The following CDH12 variants were observed in gnomAD, a reference collection of about 807,000 sequenced individuals.
The protein encoded by CDH12 is cadherin 12.
In CDH12, 41 loss-of-function variants were observed where a neutral mutation model predicts 74.1. That is an observed-to-expected ratio of 0.55 (90% confidence interval 0.43 to 0.72). The LOEUF (loss-of-function observed/expected upper bound fraction) is 0.72. CDH12 is among the 30% of genes least tolerant of loss of function. The pLI, the probability that CDH12 is intolerant of heterozygous loss-of-function variation, is 0.00. For missense variants in CDH12, 945 were observed against 977.2 expected, an observed-to-expected ratio of 0.97 and a Z score of 0.44; for synonymous variants, 399 against 355.0, an observed-to-expected ratio of 1.12 and a Z score of -1.39.
chr5:22,296,500 A>G (rs1165516805), intron 3 of CDH12, among the ~76,000 whole-genome samples: 2 of 152,156 alleles, frequency 1.3e-5, no homozygotes, highest in African/African-American at 4.8e-5. Context: ...TCAATTTGTG[A>G]CGGATACTTA....
chr5:22,559,691 G>A (rs1738957459), intron 1 of CDH12, among the ~76,000 whole-genome samples: 1 of 152,034 alleles, frequency 6.6e-6, no homozygotes, highest in Admixed American at 6.6e-5. Flanking sequence ...CTGTATGAAA[G>A]TTAAGACAGC....
chr5:21,817,621 T>C (rs903815737), intron 8 of CDH12, among the ~76,000 whole-genome samples: 4 of 151,960 alleles, frequency 2.6e-5, no homozygotes, highest in African/African-American at 7.2e-5. Context: ...TCAATAAGTA[T>C]ACATCATTAA....
At chr5:22,284,851 A>T (rs1737065030) in intron 3 of CDH12, among the ~76,000 whole-genome samples, 1 of 152,054 alleles carries the variant, frequency 6.6e-6, no homozygotes. Context: ...GGATTTTTAA[A>T]AAATGAAAAA....
At chr5:22,646,826 C>CTTA (rs1739459216) in intron 1 of CDH12, among the ~76,000 whole-genome samples, 1 of 151,834 alleles carries the variant, frequency 6.6e-6, no homozygotes, top group Non-Finnish European at 1.5e-5. Flanking sequence ...GAGAACACTG[C>CTTA]TTATGAAATT....
intron 6 of CDH12, among the ~76,000 whole-genome samples, chr5:21,928,610 A>G (rs1344956921): frequency 4.6e-5 from 7 of 152,178 alleles, no homozygotes; most frequent in African/African-American, 1.4e-4. Context: ...CATTTGTGTC[A>G]CTGTTTTTTT....
intron 1 of CDH12, among the ~76,000 whole-genome samples, chr5:22,522,516 T>C (rs1948748): frequency 0.16 from 24,744 of 152,058 alleles, 2,602 homozygotes; most frequent in East Asian, 0.36. Flanking sequence ...CTGTATTTCA[T>C]TGTTGTTGTC....
At chr5:21,963,922 CT>C (rs1342221999) in intron 6 of CDH12, among the ~76,000 whole-genome samples, 1 of 152,002 alleles carries the variant, frequency 6.6e-6, no homozygotes, top group Non-Finnish European at 1.5e-5. Flanking sequence ...TTCCTAGTTT[CT>C]ATTCAAGTAT....
chr5:22,804,132 TTTTTTTACATAACAAAGGTA>T (rs935130334), intron 1 of CDH12, among the ~76,000 whole-genome samples: 1 of 152,174 alleles, frequency 6.6e-6, no homozygotes, highest in Admixed American at 6.5e-5. Flanking sequence ...ATTTCAAGTT[TTTTTTTACATAACAAAGGTA>T]TTTTTTGTCT....
At chr5:21,812,316 G>T (rs1290650991) in intron 9 of CDH12, among the ~76,000 whole-genome samples, 1 of 152,010 alleles carries the variant, frequency 6.6e-6, no homozygotes, top group African/African-American at 2.4e-5. Context: ...TACTTAAAAT[G>T]TAATTTCTGT....
Position 22,448,246 on chromosome 5 carries a change from ATAGAT to A in CDH12, c.-427-42900_-427-42896del, listed in dbSNP as rs202049576. ...AAAGTTTAAAAACATTTTTTAAGTA[ATAGAT>A]TAAAGTTCAAATTAAATTATTATAT... On this transcript the variant is annotated intron_variant, in intron 2 of 14. Coordinates refer to ENST00000382254, the MANE Select transcript of CDH12 (RefSeq NM_004061.5). Among the ~76,000 whole-genome samples the A allele has an allele frequency of 4.6e-3, 705 of 152,006 alleles. 7 individuals carry two copies. Among genetic ancestry groups the A allele is most frequent in the African/African-American group, 0.014 (581 of 41,512 alleles).
chr5:22,652,618 T>G (rs1739801100), intron 1 of CDH12, among the ~76,000 whole-genome samples: 1 of 152,196 alleles, frequency 6.6e-6, no homozygotes, highest in Admixed American at 6.5e-5. Context: ...TTTATCAGAT[T>G]TAATTTTTAG....
In CDH12 at chr5:21,832,826, ATT is replaced by A. The variant is rs1395975692; in HGVS notation, c.814+9333_814+9334del. On this transcript the variant is annotated intron_variant, in intron 8 of 14. Transcript: ENST00000382254. ...TATTATCATATAATATATGATATAT[ATT>A]ATAATAATATAAATCATATGATATA... Among the ~76,000 whole-genome samples, 250 of 118,190 alleles carry A rather than the reference ATT, an allele frequency of 2.1e-3. 1 individual carries two copies. The highest frequency in any genetic ancestry group is 5.0e-3 in the African/African-American group (157 of 31,682). The allele number at this position is 118,190 out of a possible 152,430, so 77.5% of individuals were successfully genotyped here.
intron 1 of CDH12, among the ~76,000 whole-genome samples, chr5:22,636,740 T>G (rs1738860947): frequency 6.6e-6 from 1 of 152,320 alleles, no homozygotes; most frequent in African/African-American, 2.4e-5. Flanking sequence ...AACTTAGTTT[T>G]TGCTTACGGT....
chr5:22,153,762 A>G (rs1012977417), intron 4 of CDH12, among the ~76,000 whole-genome samples: 13 of 148,896 alleles, frequency 8.7e-5, no homozygotes, highest in African/African-American at 3.2e-4. Flanking sequence ...TCATTGCAAC[A>G]TTATTCACAG....
At chr5:22,144,957 T>C (rs1008195001) in intron 4 of CDH12, among the ~76,000 whole-genome samples, 1 of 152,086 alleles carries the variant, frequency 6.6e-6, no homozygotes, top group Non-Finnish European at 1.5e-5. Flanking sequence ...TTTAACTGAA[T>C]GCCCAGATGG....
chr5:21,941,367 A>C (rs941775186), intron 6 of CDH12, among the ~76,000 whole-genome samples: 4 of 152,210 alleles, frequency 2.6e-5, no homozygotes, highest in East Asian at 3.8e-4. Flanking sequence ...GAAAAGATAA[A>C]AATTAAGATG....
chr5:21,880,616 C>CTTCCTTCCTTCTTTCTTTCTCT (rs758455941), intron 6 of CDH12, among the ~76,000 whole-genome samples: 1 of 50,810 alleles, frequency 2.0e-5, no homozygotes, highest in African/African-American at 8.8e-5. Flanking sequence ...TCCTTCCTTC[C>CTTCCTTCCTTCTTTCTTTCTCT]TTCTTTCTTT....
chr5:22,821,610 A>G (rs987342009), intron 1 of CDH12, among the ~76,000 whole-genome samples: 1 of 152,184 alleles, frequency 6.6e-6, no homozygotes, highest in African/African-American at 2.4e-5. Flanking sequence ...GAGCCAAATC[A>G]TGACTGAACT....
chr5:22,299,898 T>G (rs1482624410), intron 3 of CDH12, among the ~76,000 whole-genome samples: 1 of 152,256 alleles, frequency 6.6e-6, no homozygotes, highest in East Asian at 1.9e-4. Flanking sequence ...CTTCCTATTC[T>G]TCTGCAGAGT....
Sources: gnomAD v4.1 joint callset for allele counts (sites outside exome capture counted in the v4.1 genomes callset) on GRCh38, gnomAD v4.1.1 for gene constraint, MANE v1.5 for transcripts, NCBI Gene and HGNC (gene_info 2026-07-23, HGNC 2026-07-21) for gene names.